Variants in ANKRD27 observed in about 807,000 individuals in gnomAD.
The protein encoded by ANKRD27 is ankyrin repeat domain 27.
Under a neutral mutation model 129.7 loss-of-function variants are expected in ANKRD27, and 112 were observed. The ratio of observed to expected loss-of-function variants is 0.86; its 90% confidence interval spans 0.74 to 1.01. ANKRD27 has a LOEUF of 1.01. Among genes scored for constraint, ANKRD27 ranks in the 50% least tolerant of loss-of-function variants. ANKRD27 has a pLI of 0.00. For missense variants in ANKRD27, 1,258 were observed against 1,300.5 expected (o/e 0.97, Z 0.50); for synonymous variants, 516 against 511.2 (o/e 1.01, Z -0.13).
At chr19:32,669,939 C>T (rs1424906300) in intron 1 of ANKRD27, among the ~76,000 whole-genome samples, 8 of 148,826 alleles carry the variant, frequency 5.4e-5, no homozygotes, top group South Asian at 2.2e-4. Flanking sequence ...GAGGTTGCAG[C>T]GAGCCGAGAT....
At position 32,597,863 on chromosome 19, in the gene ANKRD27, A is replaced by G; in HGVS notation, c.*282T>C. ...CCCACTGTGACCAACAAACCCTCAT[A>G]CTTAAAAAGAAGCATGCACCTCTGG... On this transcript the variant is annotated 3_prime_UTR_variant, in exon 29 of 29. Transcript: ENST00000306065. 4 of 469,408 alleles carry G rather than the reference A, an allele frequency of 8.5e-6. No individual in the cohort carries two copies. The highest frequency in any genetic ancestry group is 1.6e-5 in the Non-Finnish European group (4 of 256,858). The allele number at this position is 469,408 out of a possible 1,614,324, so 29.1% of individuals were successfully genotyped here.
intron 17 of ANKRD27, 54 bp from the exon 18 acceptor site, chr19:32,622,673 G>A (rs1972031691): frequency 6.3e-7 from 1 of 1,581,634 alleles, no homozygotes; most frequent in Non-Finnish European, 8.7e-7. Context: ...GCCTCGACAA[G>A]GTCCGTGCTC....
chr19:32,606,068 T>C (rs1971730289), intron 23 of ANKRD27, 114 bp from the exon 24 acceptor site: 5 of 938,234 alleles, frequency 5.3e-6, no homozygotes, highest in Middle Eastern at 3.8e-4. Flanking sequence ...ACAAAGTTTC[T>C]GGAGAGAAAT....
At chr19:32,658,510 T>C (rs1967586017) in intron 2 of ANKRD27, among the ~76,000 whole-genome samples, 1 of 152,206 alleles carries the variant, frequency 6.6e-6, no homozygotes, top group African/African-American at 2.4e-5. Flanking sequence ...CGGTCCCTTA[T>C]TCTATGAGGG....
chr19:32,598,440 A>C, intron 28 of ANKRD27, 62 bp from the exon 29 acceptor site: 1 of 1,517,104 alleles, frequency 6.6e-7, no homozygotes, highest in Non-Finnish European at 9.1e-7. Context: ...CACAACCATG[A>C]CAGTGACAGC....
intron 2 of ANKRD27, among the ~76,000 whole-genome samples, chr19:32,653,979 C>CA (rs948883390): frequency 5.9e-5 from 9 of 152,208 alleles, no homozygotes; most frequent in African/African-American, 2.2e-4. Flanking sequence ...CAGCTCACTG[C>CA]AACCTCCGCC....
intron 4 of ANKRD27, among the ~76,000 whole-genome samples, chr19:32,645,840 T>C (rs1012845228): frequency 3.9e-5 from 6 of 152,064 alleles, no homozygotes; most frequent in African/African-American, 1.4e-4. Flanking sequence ...TTCCCCATGT[T>C]GGTCACGCTG....
intron 11 of ANKRD27, 22 bp from the exon 12 acceptor site, chr19:32,639,510 T>G (rs1967155225): frequency 6.2e-7 from 1 of 1,609,564 alleles, no homozygotes; most frequent in African/African-American, 1.3e-5. Flanking sequence ...AAGAAAAAAG[T>G]TATGTTGTTG....
chr19:32,607,962 T>C, intron 22 of ANKRD27, 130 bp from the exon 23 acceptor site: 1 of 981,070 alleles, frequency 1.0e-6, no homozygotes, highest in Non-Finnish European at 1.5e-6. Flanking sequence ...CAGGATGGAT[T>C]CCAATTTGTT....
chr19:32,645,285 G>A (rs151144504), intron 4 of ANKRD27, among the ~76,000 whole-genome samples: 3,641 of 151,928 alleles, frequency 0.024, 65 homozygotes, highest in East Asian at 0.11. Context: ...GGTGGCGGGC[G>A]CCTGTAATCC....
intron 25 of ANKRD27, among the ~76,000 whole-genome samples, chr19:32,602,359 C>T (rs1599731156): frequency 1.3e-5 from 2 of 152,116 alleles, no homozygotes; most frequent in Admixed American, 1.3e-4. Context: ...GGACTCCACG[C>T]TGGGGATTCA....
At chr19:32,641,024 G>A (rs1967190315) in intron 10 of ANKRD27, among the ~76,000 whole-genome samples, 1 of 151,974 alleles carries the variant, frequency 6.6e-6, no homozygotes, top group Non-Finnish European at 1.5e-5. Flanking sequence ...TCAGCCTCCT[G>A]AGCAGCTGGG....
In ANKRD27 at chr19:32,646,462, A is replaced by G. The variant is rs747938299; in HGVS notation, c.367T>C (p.Ser123Pro). Reference protein sequence around the residue: ...IAHPLEKRESSEEPLAPSDPF... With the variant: ...IAHPLEKRESPEEPLAPSDPF... Reference sequence around the variant, plus strand: ...AAGGTTTTTTCTCCCAGAATACCTGAACTCTCTCTCTTTTCCAAAGGATGG... The same window carrying G: ...AAGGTTTTTTCTCCCAGAATACCTGGACTCTCTCTCTTTTCCAAAGGATGG... The change falls in exon 4 of 29, where the codon TCA becomes CCA. Residue 123 changes from serine (S) to proline (P), a missense_variant. Physicochemically the swap from Ser to Pro is moderately conservative, Grantham distance 74 (BLOSUM62 -1). Coordinates refer to ENST00000306065, the MANE Select transcript of ANKRD27 (RefSeq NM_032139.3). The G allele has an allele frequency of 6.2e-7, 1 of 1,601,804 alleles. No homozygotes were observed.
At chr19:32,623,339 G>A (rs1568403495) in intron 17 of ANKRD27, among the ~76,000 whole-genome samples, 4 of 152,290 alleles carry the variant, frequency 2.6e-5, no homozygotes, top group Middle Eastern at 3.4e-3. Context: ...TTTATACAAT[G>A]TGGTTTATGC....
intron 23 of ANKRD27, among the ~76,000 whole-genome samples, chr19:32,606,304 C>T (rs1971735472): frequency 6.6e-6 from 1 of 152,050 alleles, no homozygotes; most frequent in African/African-American, 2.4e-5. Context: ...AGGCGCCTGC[C>T]ACCACGCTTG....
chr19:32,653,776 A>C (rs1225875185), intron 2 of ANKRD27, among the ~76,000 whole-genome samples: 3 of 152,136 alleles, frequency 2.0e-5, no homozygotes, highest in Admixed American at 6.6e-5. Context: ...GGAGCAGTCA[A>C]GCTGCACCCT....
Position 32,658,894 on chromosome 19 carries a change from C to T in ANKRD27, c.102+20G>A. ...GAACCATTCATGCCTCAGGACAACC[C>T]CGAGGCTCAGTGCACTTACAATGCC... On this transcript the variant is annotated intron_variant, in intron 2 of 28. Coordinates refer to ENST00000306065, the MANE Select transcript of ANKRD27 (RefSeq NM_032139.3). The T allele has an allele frequency of 6.2e-7, 1 of 1,605,398 alleles. No individual in the cohort carries two copies. Among genetic ancestry groups the T allele is most frequent in the Non-Finnish European group, 8.5e-7 (1 of 1,172,158 alleles).
At chr19:32,653,964 G>T (rs1599768602) in intron 2 of ANKRD27, among the ~76,000 whole-genome samples, 1 of 152,022 alleles carries the variant, frequency 6.6e-6, no homozygotes, top group African/African-American at 2.4e-5. Context: ...GCAGTGGCGT[G>T]ATCTCAGCTC....
At chr19:32,639,554 C>T (rs2145296982) in intron 11 of ANKRD27, 66 bp from the exon 12 acceptor site, 1 of 1,551,810 alleles carries the variant, frequency 6.4e-7, no homozygotes, top group South Asian at 1.2e-5. Flanking sequence ...AAAAAAATAT[C>T]ATTGGCTTGG....
Sources: gnomAD v4.1 joint callset for allele counts (sites outside exome capture counted in the v4.1 genomes callset) on GRCh38, gnomAD v4.1.1 for gene constraint, MANE v1.5 for transcripts, NCBI Gene and HGNC (gene_info 2026-07-23, HGNC 2026-07-21) for gene names.